CFAP47: variants seen among roughly 807,000 people sequenced by gnomAD.
CFAP47 encodes cilia- and flagella-associated protein 47.
A neutral mutation model predicts 148.1 loss-of-function variants in CFAP47; 29 were observed. The ratio of observed to expected loss-of-function variants is 0.20; its 90% CI spans 0.15 to 0.27. The LOEUF is 0.27. CFAP47 is among the 10% of genes least tolerant of loss of function. The probability of loss-of-function intolerance (pLI) is 1.00; values close to 1 mark genes in which losing one functional copy is unlikely to be tolerated. For synonymous variants in CFAP47, 664 were observed against 577.3 expected, an observed-to-expected ratio of 1.15 and a Z score of -2.15; for missense variants, 1,872 against 1,697.5, an observed-to-expected ratio of 1.10 and a Z score of -1.81.
At chrX:36,286,982 T>C (rs1431056054) in intron 51 of CFAP47, among the ~76,000 whole-genome samples, 4 of 110,914 alleles carry the variant, frequency 3.6e-5, no homozygotes, top group African/African-American at 1.3e-4. Context: ...CTGATAGAAA[T>C]TGAGATTTCT....
At chrX:36,359,917 ATTT>A (rs1312682013) in intron 60 of CFAP47, among the ~76,000 whole-genome samples, 1 of 109,093 alleles carries the variant, frequency 9.2e-6, no homozygotes, top group African/African-American at 3.3e-5. Flanking sequence ...TGCCCAGCTA[ATTT>A]TTTTTTGTAT....
chrX:36,104,450 T>G (rs762685422), intron 32 of CFAP47, 49 bp from the exon 33 acceptor site: 1 of 452,830 alleles, frequency 2.2e-6, no homozygotes, highest in African/African-American at 2.5e-5. Context: ...AATATTAATT[T>G]GCTATTTTTC....
At chrX:36,195,632 T>C (rs1939911798) in intron 42 of CFAP47, among the ~76,000 whole-genome samples, 1 of 111,343 alleles carries the variant, frequency 9.0e-6, no homozygotes, top group Admixed American at 9.6e-5. Flanking sequence ...TTTTGTATTG[T>C]GTTACACTGC....
At chrX:36,234,956 G>C (rs1482715503) in intron 46 of CFAP47, among the ~76,000 whole-genome samples, 6 of 111,512 alleles carry the variant, frequency 5.4e-5, no homozygotes, top group Non-Finnish European at 9.4e-5. Context: ...GAATGCTGCT[G>C]TCTGATCGTT....
chrX:36,090,793 A>C (rs966034828), intron 30 of CFAP47, among the ~76,000 whole-genome samples: 3 of 106,072 alleles, frequency 2.8e-5, no homozygotes, highest in African/African-American at 1.1e-4. Flanking sequence ...AATAGGTAAG[A>C]ACTTTTATAC....
chrX:36,145,145 C>A (rs758883636), intron 35 of CFAP47, 74 bp from the exon 36 acceptor site: 16 of 275,856 alleles, frequency 5.8e-5, no homozygotes, highest in Non-Finnish European at 5.7e-5. Context: ...AGATATATAT[C>A]CTATTGGTTC....
intron 61 of CFAP47, 108 bp from the exon 62 acceptor site, chrX:36,366,858 C>G: frequency 2.5e-6 from 1 of 403,753 alleles, no homozygotes; most frequent in African/African-American, 2.5e-5. Context: ...AGTGTTTTCA[C>G]TGAAACCACA....
intron 18 of CFAP47, among the ~76,000 whole-genome samples, chrX:35,995,294 G>A (rs868570854): frequency 1.8e-5 from 2 of 111,557 alleles, no homozygotes; most frequent in African/African-American, 3.3e-5. Flanking sequence ...TATATGACCC[G>A]TGTAAGTTTT....
intron 39 of CFAP47, among the ~76,000 whole-genome samples, chrX:36,168,988 T>A (rs993485799): frequency 1.2e-4 from 13 of 111,835 alleles, no homozygotes; most frequent in African/African-American, 4.2e-4. Context: ...AAGGACAGTT[T>A]TTTTGTTTTC....
At chrX:36,137,442 C>G (rs1042431726) in intron 33 of CFAP47, among the ~76,000 whole-genome samples, 2 of 111,000 alleles carry the variant, frequency 1.8e-5, no homozygotes, top group Non-Finnish European at 3.8e-5. Context: ...TTTTACTACT[C>G]CTCCATCCTG....
chrX:35,951,446 T>C (rs1936165490), intron 5 of CFAP47, 87 bp downstream of exon 5: 1 of 639,331 alleles, frequency 1.6e-6, no homozygotes, highest in African/African-American at 2.2e-5. Flanking sequence ...AGCTTTTTAA[T>C]TATTCAAAAT....
rs763310133 is a variant in CFAP47, at chrX:35,971,631, A to G, written c.2016A>G (p.Pro672=). Residue 672 remains proline (P), a synonymous_variant, in exon 12 of 64, where the codon CCA becomes CCG. Coordinates refer to ENST00000378653, the MANE Select transcript of CFAP47 (RefSeq NM_001304548.2). ...SYDDTDIGLE[P]GSGLKSPSLS... ...ATGATACAGACATAGGCTTAGAGCC[A>G]GGATCAGGTCTAAAGTCACCCTCAC... is the stretch of plus-strand genomic sequence containing the variant. 9.2e-6 allele frequency: 11 copies of G among 1,199,193 alleles called. No homozygotes were observed. The South Asian group carries it at 1.8e-4, about 20-fold the overall frequency.
At chrX:36,233,643 T>C (rs1397301318) in intron 46 of CFAP47, among the ~76,000 whole-genome samples, 2 of 111,774 alleles carry the variant, frequency 1.8e-5, no homozygotes, top group East Asian at 5.6e-4. Context: ...ATGTGTGAAT[T>C]TGATCCTGTC....
At position 36,276,704 on chromosome X, in the gene CFAP47, G is replaced by A. The variant is rs782442523; in HGVS notation, c.7445-3783G>A. Among the ~76,000 whole-genome samples, 15 of 111,688 alleles carry A rather than the reference G, an allele frequency of 1.3e-4. No homozygotes were observed. In the Admixed American group the frequency reaches 1.4e-3, roughly 11 times the overall value. On this transcript the variant is annotated intron_variant, in intron 49 of 63. Transcript: ENST00000378653. ...CCTAGAATAATATTAGTATGTGTGT[G>A]TAAATAAACATAAAAATATACAAAT...
At position 36,120,780 on chromosome X, in the gene CFAP47, C is replaced by T. The variant is rs1196863415; in HGVS notation, c.5320+16089C>T. Among the ~76,000 whole-genome samples, 10 of 110,118 alleles carry T rather than the reference C, an allele frequency of 9.1e-5. No individual in the cohort carries two copies. In the East Asian group the frequency reaches 2.9e-3, roughly 31 times the overall value. ...AGTTTGAAGGCTTTTTGTGCCCTAA[C>T]ATATAATCTGTTTTTGAGAATGATC... On this transcript the variant is annotated intron_variant, in intron 33 of 63. Coordinates refer to ENST00000378653, the MANE Select transcript of CFAP47 (RefSeq NM_001304548.2).
chrX:35,981,118 G>T (rs1294903807), intron 15 of CFAP47, among the ~76,000 whole-genome samples: 1 of 109,572 alleles, frequency 9.1e-6, no homozygotes, highest in African/African-American at 3.3e-5. Context: ...GGGGAGTAAA[G>T]TTATGTAAGA....
intron 51 of CFAP47, among the ~76,000 whole-genome samples, chrX:36,296,973 A>G (rs61194735): frequency 0.18 from 20,464 of 110,900 alleles, 1,462 homozygotes; most frequent in South Asian, 0.31. Context: ...TTATAATTAT[A>G]AGCGTTGAAT....
At chrX:36,212,169 C>T (rs1940109440) in intron 45 of CFAP47, among the ~76,000 whole-genome samples, 1 of 111,966 alleles carries the variant, frequency 8.9e-6, no homozygotes, top group African/African-American at 3.2e-5. Flanking sequence ...CTGAATGCTT[C>T]TAAGTAAAAA....
intron 24 of CFAP47, among the ~76,000 whole-genome samples, chrX:36,037,934 T>G (rs910476430): frequency 1.8e-5 from 2 of 111,774 alleles, no homozygotes; most frequent in Non-Finnish European, 3.8e-5. Flanking sequence ...TTTCACATAG[T>G]CTTTCCAGTA....
Sources: gnomAD v4.1 joint callset for allele counts (sites outside exome capture counted in the v4.1 genomes callset) on GRCh38, gnomAD v4.1.1 for gene constraint, MANE v1.5 for transcripts, NCBI Gene and HGNC (gene_info 2026-07-23, HGNC 2026-07-21) for gene names.